GPC5: variants seen among roughly 807,000 people sequenced by gnomAD.
The protein encoded by GPC5 is glypican-5.
Under a neutral mutation model 53.9 loss-of-function variants are expected in GPC5, and 47 were observed. The ratio of observed to expected loss-of-function variants is 0.87; its 90% CI spans 0.69 to 1.11. The LOEUF is 1.11. GPC5 is among the 50% of genes most tolerant of loss of function. The pLI, the probability that GPC5 is intolerant of heterozygous loss-of-function variation, is 0.00. For synonymous variants in GPC5, 286 were observed against 263.3 expected (o/e 1.09, Z -0.84); for missense variants, 748 against 713.1 (o/e 1.05, Z -0.56).
At chr13:92,117,559 A>C (rs2041611053) in intron 6 of GPC5, among the ~76,000 whole-genome samples, 1 of 152,140 alleles carries the variant, frequency 6.6e-6, no homozygotes, top group African/African-American at 2.4e-5. Context: ...TTGGTACTTA[A>C]TTAGTGTATT....
In GPC5 at chr13:92,502,002, C is replaced by A. The variant is rs149354738; in HGVS notation, c.1561+357013C>A. On this transcript the variant is annotated intron_variant, in intron 7 of 7. Coordinates refer to ENST00000377067, the MANE Select transcript of GPC5 (RefSeq NM_004466.6). ...TACTAGAAAGAAACTTGCAATATCACAAACGAAAGAAGAGCGACAAAAATG... is the reference window on the plus strand; with the variant it reads ...TACTAGAAAGAAACTTGCAATATCAAAAACGAAAGAAGAGCGACAAAAATG... 8.5e-5 allele frequency among the ~76,000 whole-genome samples: 13 copies of A among 152,106 alleles called. No individual in the cohort carries two copies. In the East Asian group the frequency reaches 2.5e-3, roughly 29 times the overall value.
chr13:91,667,475 C>A (rs974589620), intron 2 of GPC5, among the ~76,000 whole-genome samples: 1 of 152,124 alleles, frequency 6.6e-6, no homozygotes, highest in African/African-American at 2.4e-5. Flanking sequence ...TGGCCTCAAC[C>A]AAATTCCCAA....
rs182517263 is a variant in GPC5 at position 91,959,749 on chromosome 13, C to T, written c.1401+51692C>T. On this transcript the variant is annotated intron_variant, in intron 6 of 7. Transcript: ENST00000377067. The stretch of plus-strand genomic sequence containing the variant: ...CATATTGTAATATGTAATAATATAT[C>T]GTAAGATATCATGATTGAGTGGGAT... Among the ~76,000 whole-genome samples the T allele has an allele frequency of 6.7e-4, 102 of 151,886 alleles. 1 individual carries two copies. The highest frequency in any genetic ancestry group is 6.8e-3 in the Middle Eastern group (2 of 294).
At chr13:92,134,015 GA>G (rs1345477204) in intron 6 of GPC5, among the ~76,000 whole-genome samples, 4 of 152,044 alleles carry the variant, frequency 2.6e-5, no homozygotes, top group Non-Finnish European at 4.4e-5. Flanking sequence ...TGCTTACTGG[GA>G]AATGCATGCA....
intron 5 of GPC5, among the ~76,000 whole-genome samples, chr13:91,769,042 A>C (rs978524865): frequency 6.6e-6 from 1 of 152,134 alleles, no homozygotes; most frequent in Non-Finnish European, 1.5e-5. Context: ...TCTGAAAGCA[A>C]CTTATTTTAA....
At position 92,774,960 on chromosome 13, in the gene GPC5, T is replaced by C. The variant is rs141535867; in HGVS notation, c.1562-91322T>C. 7.7e-4 allele frequency among the ~76,000 whole-genome samples: 117 copies of C among 152,338 alleles called. 1 individual carries two copies. Among genetic ancestry groups the C allele is most frequent in the African/African-American group, 2.5e-3 (104 of 41,578 alleles). On this transcript the variant is annotated intron_variant, in intron 7 of 7. Transcript: ENST00000377067. ...AGAGACAAAATTAACTTTTCTTTTA[T>C]GTGAAGTTGTGGTAATTTTCTCTAG...
intron 7 of GPC5, among the ~76,000 whole-genome samples, chr13:92,692,422 C>T (rs975996123): frequency 2.0e-5 from 3 of 150,910 alleles, no homozygotes; most frequent in African/African-American, 4.9e-5. Flanking sequence ...AATGGTAATT[C>T]AGCTCTTATT....
At chr13:91,834,858 A>G (rs969266393) in intron 5 of GPC5, among the ~76,000 whole-genome samples, 1 of 152,162 alleles carries the variant, frequency 6.6e-6, no homozygotes, top group Non-Finnish European at 1.5e-5. Context: ...TAACTAAAAC[A>G]CCAAAAGCAA....
chr13:91,945,015 T>C (rs1362185106), intron 6 of GPC5, among the ~76,000 whole-genome samples: 2 of 152,190 alleles, frequency 1.3e-5, no homozygotes, highest in Admixed American at 1.3e-4. Flanking sequence ...AAAGTCTTAG[T>C]CCCACACAGA....
At chr13:92,167,935 C>A (rs566006973) in intron 7 of GPC5, among the ~76,000 whole-genome samples, 4 of 152,050 alleles carry the variant, frequency 2.6e-5, no homozygotes, top group African/African-American at 9.6e-5. Flanking sequence ...AGTGACACAT[C>A]GTTAGATCCA....
chr13:92,236,635 A>G (rs35460161), intron 7 of GPC5, among the ~76,000 whole-genome samples: 17,060 of 152,068 alleles, frequency 0.11, 980 homozygotes, highest in East Asian at 0.17. Context: ...TAATTGTTCT[A>G]TTTTACCTTT....
chr13:92,750,999 T>C (rs955731576), intron 7 of GPC5, among the ~76,000 whole-genome samples: 2 of 152,192 alleles, frequency 1.3e-5, no homozygotes, highest in African/African-American at 4.8e-5. Flanking sequence ...TTTTCATCCA[T>C]TGTTTAAAAT....
chr13:92,646,966 G>GTGTGTGTGTA (rs1462533037), intron 7 of GPC5, among the ~76,000 whole-genome samples: 9 of 145,884 alleles, frequency 6.2e-5, no homozygotes, highest in South Asian at 4.2e-4. Context: ...GTGTGTGTGT[G>GTGTGTGTGTA]TATATAAACC....
At chr13:92,349,405 A>G (rs537289803) in intron 7 of GPC5, among the ~76,000 whole-genome samples, 1 of 151,142 alleles carries the variant, frequency 6.6e-6, no homozygotes, top group East Asian at 1.9e-4. Flanking sequence ...TTGGCCTCCC[A>G]AAGTGCTAGG....
chr13:92,635,556 A>G (rs1262762695), intron 7 of GPC5, among the ~76,000 whole-genome samples: 1 of 152,188 alleles, frequency 6.6e-6, no homozygotes, highest in Non-Finnish European at 1.5e-5. Flanking sequence ...TAATCTGTAC[A>G]TAAGGCCAGA....
intron 7 of GPC5, among the ~76,000 whole-genome samples, chr13:92,333,259 G>C (rs1290041780): frequency 6.6e-6 from 1 of 152,098 alleles, no homozygotes; most frequent in Non-Finnish European, 1.5e-5. Flanking sequence ...TCTCCTCATC[G>C]TTCTGGTGTG....
chr13:91,578,889 A>G (rs890578594), intron 2 of GPC5, among the ~76,000 whole-genome samples: 6 of 151,898 alleles, frequency 4.0e-5, no homozygotes, highest in African/African-American at 1.5e-4. Context: ...CTATAAAAAC[A>G]TAAAAAAATT....
chr13:91,575,423 G>T (rs72641437), intron 2 of GPC5, among the ~76,000 whole-genome samples: 9,132 of 152,144 alleles, frequency 0.06, 352 homozygotes, highest in Non-Finnish European at 0.085. Context: ...TCCACTTAAA[G>T]GTAGGGTATA....
intron 5 of GPC5, among the ~76,000 whole-genome samples, chr13:91,879,407 A>G (rs180829209): frequency 6.6e-6 from 1 of 152,330 alleles, no homozygotes; most frequent in East Asian, 1.9e-4. Flanking sequence ...CTGCTGTACC[A>G]GAATACCATA....
Sources: gnomAD v4.1 joint callset for allele counts (sites outside exome capture counted in the v4.1 genomes callset) on GRCh38, gnomAD v4.1.1 for gene constraint, MANE v1.5 for transcripts, NCBI Gene and HGNC (gene_info 2026-07-23, HGNC 2026-07-21) for gene names.